The following GLIS3 variants were observed in gnomAD, a reference collection of about 807,000 sequenced individuals.
The protein encoded by GLIS3 is zinc finger protein GLIS3.
In GLIS3, 53 loss-of-function variants were observed where a neutral mutation model predicts 78.6. The ratio of observed to expected loss-of-function variants is 0.67; its 90% confidence interval spans 0.54 to 0.85. GLIS3 has a LOEUF of 0.85. Ranked by LOEUF, GLIS3 falls within the 40% of genes least tolerant of loss-of-function variation. The pLI, the probability that GLIS3 is intolerant of heterozygous loss-of-function variation, is 0.00. For missense variants in GLIS3, 1,703 were observed against 1,231.1 expected, an observed-to-expected ratio of 1.38 and a Z score of -5.74; for synonymous variants, 684 against 509.9, an observed-to-expected ratio of 1.34 and a Z score of -4.60.
At chr9:4,414,580 C>T in the GLIS3 span, among the ~76,000 whole-genome samples, 4 of 152,086 alleles carry the variant, frequency 2.6e-5, no homozygotes, top group Non-Finnish European at 4.4e-5. Flanking sequence ...TTCAGGATTG[C>T]CTGGTCATTC....
At chr9:4,087,388 A>C (rs1200397241) in intron 4 of GLIS3, among the ~76,000 whole-genome samples, 1 of 152,172 alleles carries the variant, frequency 6.6e-6, no homozygotes. Flanking sequence ...AAGATGAAAA[A>C]AGTTTTGAGA....
intron 2 of GLIS3, among the ~76,000 whole-genome samples, chr9:4,223,893 G>C (rs995225972): frequency 1.3e-5 from 2 of 151,774 alleles, no homozygotes; most frequent in African/African-American, 4.8e-5. Context: ...ATAAATTTCT[G>C]ATCCAATTTC....
intron 2 of GLIS3, among the ~76,000 whole-genome samples, chr9:4,276,746 T>G (rs1827073509): frequency 6.6e-6 from 1 of 152,166 alleles, no homozygotes; most frequent in Non-Finnish European, 1.5e-5. Flanking sequence ...TGAGTAATAC[T>G]TGGAAATGCA....
chr9:4,383,876 G>A, the GLIS3 span, among the ~76,000 whole-genome samples: 12 of 152,152 alleles, frequency 7.9e-5, no homozygotes, highest in African/African-American at 2.2e-4. Context: ...AGTTGAAATG[G>A]GCTTCTCCTT....
chr9:3,973,098 A>G (rs1215289333), intron 4 of GLIS3, among the ~76,000 whole-genome samples: 1 of 152,180 alleles, frequency 6.6e-6, no homozygotes. Context: ...TTTATTACAG[A>G]GAAAAAATAC....
At chr9:4,369,144 A>G in the GLIS3 span, among the ~76,000 whole-genome samples, 1 of 152,044 alleles carries the variant, frequency 6.6e-6, no homozygotes, top group African/African-American at 2.4e-5. Context: ...TTTGCACATT[A>G]TTAAGACTAG....
chr9:4,432,832 A>G, the GLIS3 span, among the ~76,000 whole-genome samples: 681 of 151,756 alleles, frequency 4.5e-3, 4 homozygotes, highest in Middle Eastern at 0.02. Context: ...GTAGAGATGC[A>G]GTTTCATCAC....
At chr9:4,242,096 G>A (rs189581832) in intron 2 of GLIS3, among the ~76,000 whole-genome samples, 10 of 152,236 alleles carry the variant, frequency 6.6e-5, no homozygotes, top group Admixed American at 2.6e-4. Context: ...CAATGAAAAG[G>A]AGTGTGCAGG....
chr9:4,053,705 T>TTAAAAAAAAAAAAAA (rs1554682400), intron 4 of GLIS3, among the ~76,000 whole-genome samples: 57 of 91,140 alleles, frequency 6.3e-4, no homozygotes, highest in South Asian at 1.9e-3. Flanking sequence ...TCTTTCTTCA[T>TTAAAAAAAAAAAAAA]AAAAAAAAAA....
At chr9:3,910,601 T>C (rs1824068615) in intron 6 of GLIS3, among the ~76,000 whole-genome samples, 1 of 152,200 alleles carries the variant, frequency 6.6e-6, no homozygotes, top group South Asian at 2.1e-4. Flanking sequence ...TCTTCCCACT[T>C]TGGCTTCCCA....
chr9:4,100,666 G>C (rs1830303063), intron 4 of GLIS3, among the ~76,000 whole-genome samples: 1 of 152,096 alleles, frequency 6.6e-6, no homozygotes, highest in Non-Finnish European at 1.5e-5. Context: ...GCAGGACTCA[G>C]TTGACTGTTT....
At chr9:4,195,534 A>C (rs1214062955) in intron 2 of GLIS3, among the ~76,000 whole-genome samples, 1 of 152,146 alleles carries the variant, frequency 6.6e-6, no homozygotes, top group African/African-American at 2.4e-5. Context: ...CCACCTCCCC[A>C]TGGGGCAGGG....
At chr9:3,955,781 A>G (rs142285477) in intron 4 of GLIS3, among the ~76,000 whole-genome samples, 2 of 152,326 alleles carry the variant, frequency 1.3e-5, no homozygotes, top group African/African-American at 4.8e-5. Context: ...CTGTTCACCT[A>G]GTGACTGAAT....
At chr9:4,434,029 G>A in the GLIS3 span, among the ~76,000 whole-genome samples, 4 of 150,710 alleles carry the variant, frequency 2.7e-5, no homozygotes, top group African/African-American at 9.8e-5. Context: ...CCAGGAGGTG[G>A]AGGTTGCAGT....
intron 2 of GLIS3, among the ~76,000 whole-genome samples, chr9:4,232,893 G>C (rs989903992): frequency 4.6e-5 from 7 of 152,176 alleles, no homozygotes; most frequent in African/African-American, 1.4e-4. Context: ...CCAAAGAGCA[G>C]ACTGTTAATC....
rs549584021 is a variant in GLIS3, at chr9:4,232,546, T to C, written c.388+53492A>G. Among the ~76,000 whole-genome samples the C allele has an allele frequency of 2.0e-4, 31 of 152,306 alleles. No homozygotes were observed. The South Asian group carries it at 5.4e-3, about 26-fold the overall frequency. On this transcript the variant is annotated intron_variant, in intron 2 of 10. Coordinates refer to ENST00000381971, the MANE Select transcript of GLIS3 (RefSeq NM_001042413.2). ...AACTCCTCTGAATTTCAAAGTGTTA[T>C]TGAAAATATAGATAATAATCTCTGA...
chr9:4,290,379 GT>G (rs1355120143), intron 1 of GLIS3, among the ~76,000 whole-genome samples: 2 of 152,080 alleles, frequency 1.3e-5, no homozygotes, highest in African/African-American at 4.8e-5. Flanking sequence ...TACAATAAGA[GT>G]TTTTATTGAT....
chr9:3,947,485 A>G (rs972151112), intron 4 of GLIS3, among the ~76,000 whole-genome samples: 3 of 152,260 alleles, frequency 2.0e-5, no homozygotes, highest in African/African-American at 7.2e-5. Context: ...ATTTGTGGGT[A>G]CAGCCATGGG....
chr9:4,423,354 C>T, the GLIS3 span, among the ~76,000 whole-genome samples: 1 of 152,096 alleles, frequency 6.6e-6, no homozygotes, highest in Non-Finnish European at 1.5e-5. Flanking sequence ...AGTCTTAGCT[C>T]CCAAGGCCTC....
Sources: allele counts gnomAD v4.1 joint callset (sites outside exome capture counted in the v4.1 genomes callset), GRCh38; gene constraint gnomAD v4.1.1; transcripts MANE v1.5; gene names NCBI Gene and HGNC (gene_info 2026-07-23, HGNC 2026-07-21).